COMMD1: variants seen among roughly 807,000 people sequenced by gnomAD.
The protein encoded by COMMD1 is COMM domain-containing protein 1.
In COMMD1, 10 loss-of-function variants were observed where a neutral mutation model predicts 17.2. The ratio of observed to expected loss-of-function variants is 0.58; its 90% CI spans 0.36 to 0.99. The LOEUF (loss-of-function observed/expected upper bound fraction) is 0.99, where lower values mean the gene tolerates loss of function less well. COMMD1 is among the 50% of genes least tolerant of loss of function. The probability of loss-of-function intolerance (pLI) is 0.01; values close to 1 mark genes in which losing one functional copy is unlikely to be tolerated. For synonymous variants in COMMD1, 97 were observed against 91.6 expected (o/e 1.06, Z -0.34); for missense variants, 270 against 231.8 (o/e 1.17, Z -1.07).
chr2:62,034,318 TTGGAAATC>T (rs1669987333), intron 2 of COMMD1, among the ~76,000 whole-genome samples: 1 of 151,624 alleles, frequency 6.6e-6, no homozygotes, highest in Non-Finnish European at 1.5e-5. Flanking sequence ...CCTGGCCAAG[TTGGAAATC>T]CCGTCTCTAT....
chr2:62,002,903 C>T (rs1235239804), intron 2 of COMMD1, among the ~76,000 whole-genome samples: 1 of 151,984 alleles, frequency 6.6e-6, no homozygotes, highest in Non-Finnish European at 1.5e-5. Context: ...TAAAGTAGTG[C>T]TACTTGTACT....
In COMMD1 at chr2:61,960,281, T is replaced by G. The variant is rs1439773414; in HGVS notation, c.181-40420T>G. On this transcript the variant is annotated intron_variant, in intron 1 of 2. Transcript: ENST00000311832. ...TCAAATTTGTTTAGCATGTTTTGACTTTGTTGTTTGGCCTGATCCTCTGGA... is the reference window on the plus strand; with the variant it reads ...TCAAATTTGTTTAGCATGTTTTGACGTTGTTGTTTGGCCTGATCCTCTGGA... 2.0e-5 allele frequency among the ~76,000 whole-genome samples: 3 copies of G among 152,234 alleles called. No homozygotes were observed. The East Asian group carries it at 5.8e-4, about 29-fold the overall frequency.
Position 62,098,150 on chromosome 2 carries a change from T to TTTCC in COMMD1, c.463-37678_463-37675dup, listed in dbSNP as rs1391259703. Among the ~76,000 whole-genome samples the TTTCC allele has an allele frequency of 8.0e-5, 12 of 150,568 alleles. 1 individual carries two copies. Among genetic ancestry groups the TTTCC allele is most frequent in the Admixed American group, 7.9e-4 (12 of 15,108 alleles). On this transcript the variant is annotated intron_variant, in intron 2 of 2. Coordinates refer to ENST00000311832, the MANE Select transcript of COMMD1 (RefSeq NM_152516.4). ...ACTCATAATTTTAGAGACTGTTTCC[T>TTTCC]TTCCTTTCTTTCTTTTTTTTTTTTT...
chr2:61,943,190 A>G (rs1323316715), intron 1 of COMMD1, among the ~76,000 whole-genome samples: 1 of 152,206 alleles, frequency 6.6e-6, no homozygotes, highest in Non-Finnish European at 1.5e-5. Context: ...TAATTTGCCC[A>G]TCAGTTTAAA....
chr2:61,922,107 G>T (rs1309663746), intron 1 of COMMD1, among the ~76,000 whole-genome samples: 2 of 152,040 alleles, frequency 1.3e-5, no homozygotes, highest in Admixed American at 6.6e-5. Context: ...AAAATGAGTA[G>T]GTCTTCGTTT....
chr2:62,086,197 TAAA>T (rs1671664064), intron 2 of COMMD1, among the ~76,000 whole-genome samples: 1 of 151,002 alleles, frequency 6.6e-6, no homozygotes, highest in Admixed American at 6.6e-5. Flanking sequence ...ACAAAAAAGA[TAAA>T]AACATGAAAT....
chr2:61,889,202 CTTTTTT>C (rs34949326), intron 1 of COMMD1, among the ~76,000 whole-genome samples: 8 of 54,786 alleles, frequency 1.5e-4, no homozygotes, highest in African/African-American at 3.8e-4. Flanking sequence ...GAAGCCCGGC[CTTTTTT>C]TTTTTTTTTT....
At chr2:62,021,647 A>C (rs561099741) in intron 2 of COMMD1, among the ~76,000 whole-genome samples, 24 of 152,190 alleles carry the variant, frequency 1.6e-4, no homozygotes, top group Non-Finnish European at 2.6e-4. Flanking sequence ...CAAGCAGATT[A>C]ATACCTTTTA....
intron 2 of COMMD1, among the ~76,000 whole-genome samples, chr2:62,083,332 C>T: frequency 6.6e-6 from 1 of 152,132 alleles, no homozygotes; most frequent in East Asian, 1.9e-4. Flanking sequence ...GCCTCTGCCA[C>T]AGCTATGCAA....
At chr2:62,015,906 C>A (rs1030834381) in intron 2 of COMMD1, among the ~76,000 whole-genome samples, 2 of 152,068 alleles carry the variant, frequency 1.3e-5, no homozygotes, top group African/African-American at 4.8e-5. Flanking sequence ...AATCTTGGCT[C>A]ACTGAAACCT....
intron 1 of COMMD1, among the ~76,000 whole-genome samples, chr2:61,917,777 C>A (rs765070424): frequency 3.3e-5 from 5 of 152,218 alleles, no homozygotes; most frequent in African/African-American, 1.2e-4. Flanking sequence ...GTGATCCGCC[C>A]GCCTTGGCTT....
At chr2:61,954,955 G>A (rs543714415) in intron 1 of COMMD1, among the ~76,000 whole-genome samples, 14 of 152,236 alleles carry the variant, frequency 9.2e-5, no homozygotes, top group South Asian at 4.1e-4. Context: ...GATTACAGGC[G>A]TGAGCCACCA....
At chr2:61,990,322 C>G (rs1672214053) in intron 1 of COMMD1, among the ~76,000 whole-genome samples, 1 of 152,100 alleles carries the variant, frequency 6.6e-6, no homozygotes, top group African/African-American at 2.4e-5. Context: ...CAGAGAAGTT[C>G]TTATAGATTT....
chr2:61,920,238 C>T (rs182949104), intron 1 of COMMD1, among the ~76,000 whole-genome samples: 1 of 152,148 alleles, frequency 6.6e-6, no homozygotes, highest in Admixed American at 6.5e-5. Context: ...AAGAGATGAC[C>T]TCTAAGCAAT....
At chr2:61,962,627 A>C (rs1248845625) in intron 1 of COMMD1, among the ~76,000 whole-genome samples, 1 of 152,118 alleles carries the variant, frequency 6.6e-6, no homozygotes, top group African/African-American at 2.4e-5. Flanking sequence ...CCCCAGTAAG[A>C]TCTCTGGACA....
At chr2:62,036,693 T>A (rs1423813003) in intron 2 of COMMD1, among the ~76,000 whole-genome samples, 2 of 152,240 alleles carry the variant, frequency 1.3e-5, no homozygotes, top group African/African-American at 4.8e-5. Flanking sequence ...ATGTTCGTGA[T>A]GCTTTGTAGA....
chr2:62,125,958 T>G lies in COMMD1; in HGVS notation c.463-9873T>G, dbSNP rs956731659. ...CCCGACAGGCCCCAGTGAATGTTGTTCCCTCCCTGTGTCCATGTGTTCTCA... is the reference window on the plus strand; with the variant it reads ...CCCGACAGGCCCCAGTGAATGTTGTGCCCTCCCTGTGTCCATGTGTTCTCA... On this transcript the variant is annotated intron_variant, in intron 2 of 2. Transcript: ENST00000311832. 4.6e-5 allele frequency among the ~76,000 whole-genome samples: 7 copies of G among 152,124 alleles called. 1 individual carries two copies. Among genetic ancestry groups the G allele is most frequent in the Admixed American group, 6.6e-5 (1 of 15,266 alleles).
intron 2 of COMMD1, among the ~76,000 whole-genome samples, chr2:62,084,563 A>G (rs1281116630): frequency 6.6e-6 from 1 of 152,196 alleles, no homozygotes; most frequent in Non-Finnish European, 1.5e-5. Context: ...GGACCCATGC[A>G]GTTCACACTC....
At chr2:62,094,238 G>A (rs764221242) in intron 2 of COMMD1, among the ~76,000 whole-genome samples, 1 of 152,180 alleles carries the variant, frequency 6.6e-6, no homozygotes, top group Non-Finnish European at 1.5e-5. Flanking sequence ...GCAGAAAGCA[G>A]GAGTACCTCA....
Sources: gnomAD v4.1 joint callset for allele counts (sites outside exome capture counted in the v4.1 genomes callset) on GRCh38, gnomAD v4.1.1 for gene constraint, MANE v1.5 for transcripts, NCBI Gene and HGNC (gene_info 2026-07-23, HGNC 2026-07-21) for gene names.